CLNK: variants seen among roughly 807,000 people sequenced by gnomAD.
CLNK encodes the protein cytokine-dependent hematopoietic cell linker.
CLNK carries 74 observed loss-of-function variants against 68.6 expected under a neutral mutation model. The observed-to-expected ratio is 1.08, with a 90% CI of 0.89 to 1.31. CLNK has a LOEUF of 1.31. CLNK is among the 50% of genes most tolerant of loss of function. CLNK has a pLI of 0.00. For synonymous variants in CLNK, 198 were observed against 172.2 expected, an observed-to-expected ratio of 1.15 and a Z score of -1.17; for missense variants, 553 against 515.3, an observed-to-expected ratio of 1.07 and a Z score of -0.71.
chr4:10,547,177 G>A (rs888543230), intron 8 of CLNK, among the ~76,000 whole-genome samples: 3 of 152,194 alleles, frequency 2.0e-5, no homozygotes, highest in Admixed American at 1.3e-4. Context: ...TAGCAGGTGG[G>A]ATGAGCACGA....
chr4:10,703,173 T>C, the CLNK span, among the ~76,000 whole-genome samples: 1 of 152,182 alleles, frequency 6.6e-6, no homozygotes, highest in Non-Finnish European at 1.5e-5. Flanking sequence ...TCTAAATGTC[T>C]AATTTTTAGA....
chr4:10,541,301 C>G (rs914819948), intron 10 of CLNK, among the ~76,000 whole-genome samples: 4 of 151,598 alleles, frequency 2.6e-5, no homozygotes, highest in Admixed American at 2.6e-4. Context: ...TGTTATTCAC[C>G]CATTCACTCA....
At chr4:10,507,923 A>C in intron 17 of CLNK, 36 bp downstream of exon 17, 1 of 1,503,476 alleles carries the variant, frequency 6.7e-7, no homozygotes, top group Non-Finnish European at 9.1e-7. Flanking sequence ...AGATGCCTAT[A>C]GAAACAATAA....
chr4:10,542,312 A>C, intron 8 of CLNK, 32 bp from the exon 9 acceptor site: 1 of 1,455,708 alleles, frequency 6.9e-7, no homozygotes, highest in South Asian at 1.2e-5. Context: ...CAGTGAATTT[A>C]TGGAAAATGT....
chr4:10,496,910 C>T (rs1379981371), intron 18 of CLNK, among the ~76,000 whole-genome samples: 3 of 152,176 alleles, frequency 2.0e-5, no homozygotes, highest in Admixed American at 6.5e-5. Flanking sequence ...GCCCCTATGC[C>T]GGGGCCCGCT....
rs1725203214 is a variant in CLNK, at chr4:10,684,668, C to T, written c.-43G>A. ...AGAAGAACTGGCCTAATGAGTTTAC[C>T]TGAACAGCGTGGAGAGCACCAAGGG... On this transcript the variant is annotated splice_region_variant and 5_prime_UTR_variant, in exon 1 of 19. Coordinates refer to ENST00000226951, the MANE Select transcript of CLNK (RefSeq NM_052964.4). 1 of 152,112 alleles carries T rather than the reference C, an allele frequency of 6.6e-6. No homozygotes were observed. The highest frequency in any genetic ancestry group is 1.5e-5 in the Non-Finnish European group (1 of 68,024). 9.4% of individuals were successfully genotyped at this position (152,112 alleles called of 1,614,324 possible).
rs1179215691 is a variant in CLNK at position 10,540,588 on chromosome 4, G to A, written c.508C>T (p.Pro170Ser). The A allele has an allele frequency of 1.9e-6, 3 of 1,613,682 alleles. No homozygotes were observed. The highest frequency in any genetic ancestry group is 2.5e-6 in the Non-Finnish European group (3 of 1,179,668). Residue 170 changes from proline (P) to serine (S), a missense_variant, in exon 11 of 19, where the codon CCG becomes TCG. Pro to Ser is a moderately conservative substitution (Grantham distance 74). Transcript: ENST00000226951. The stretch of plus-strand genomic sequence containing the variant: ...GGGGGCAAGGGTTGGTACTTCTTCG[G>A]AAGTGTTATGAGAGGCCTGTGTGGA... ...LPPPRPLITL[P>S]KKYQPLPPEP...
intron 18 of CLNK, among the ~76,000 whole-genome samples, chr4:10,497,683 T>C (rs1468394613): frequency 1.3e-5 from 2 of 152,184 alleles, no homozygotes; most frequent in South Asian, 2.1e-4. Context: ...AAGTGGGGCA[T>C]GTTGGAAAAA....
At chr4:10,604,983 C>A (rs1026283258) in intron 2 of CLNK, among the ~76,000 whole-genome samples, 4 of 152,174 alleles carry the variant, frequency 2.6e-5, no homozygotes, top group Admixed American at 6.5e-5. Flanking sequence ...GTGGGTGGGC[C>A]TCATCCAATC....
At chr4:10,629,472 C>T (rs1722802752) in intron 2 of CLNK, among the ~76,000 whole-genome samples, 2 of 152,102 alleles carry the variant, frequency 1.3e-5, no homozygotes, top group Admixed American at 6.6e-5. Flanking sequence ...GATGAGGCCC[C>T]CTGATATTTA....
chr4:10,627,337 C>T (rs1488545803), intron 2 of CLNK, among the ~76,000 whole-genome samples: 1 of 152,296 alleles, frequency 6.6e-6, no homozygotes, highest in South Asian at 2.1e-4. Flanking sequence ...AGAGCCTCAA[C>T]AAAATGAGAA....
At chr4:10,580,652 A>T (rs531622465) in intron 4 of CLNK, among the ~76,000 whole-genome samples, 151 of 152,168 alleles carry the variant, frequency 9.9e-4, no homozygotes, top group Non-Finnish European at 1.8e-3. Flanking sequence ...AAAATAAAAT[A>T]AAAATTAAAA....
At chr4:10,581,003 T>A (rs1408375382) in intron 4 of CLNK, among the ~76,000 whole-genome samples, 2 of 152,208 alleles carry the variant, frequency 1.3e-5, no homozygotes, top group Non-Finnish European at 2.9e-5. Flanking sequence ...ATGGTAAGTG[T>A]CCTACACAGG....
rs192181868 is a variant in CLNK at position 10,607,026 on chromosome 4, T to C, written c.12-8977A>G. Among the ~76,000 whole-genome samples the C allele has an allele frequency of 4.9e-3, 742 of 152,306 alleles. 7 individuals carry two copies. The highest frequency in any genetic ancestry group is 0.017 in the African/African-American group (697 of 41,564). The stretch of plus-strand genomic sequence containing the variant: ...GCTGATGTTACAGATGAGAAAACCA[T>C]GGTTCAGGGCTCTAGCCATTTGGGT... On this transcript the variant is annotated intron_variant, in intron 2 of 18. Coordinates refer to ENST00000226951, the MANE Select transcript of CLNK (RefSeq NM_052964.4).
At chr4:10,671,453 A>G (rs916517995) in intron 1 of CLNK, among the ~76,000 whole-genome samples, 1 of 152,118 alleles carries the variant, frequency 6.6e-6, no homozygotes, top group African/African-American at 2.4e-5. Flanking sequence ...GTTAGCCACA[A>G]AGTGTCATCA....
At chr4:10,725,475 G>T in the CLNK span, among the ~76,000 whole-genome samples, 11 of 152,036 alleles carry the variant, frequency 7.2e-5, no homozygotes, top group African/African-American at 2.7e-4. Context: ...AAGGACGCCC[G>T]TGCAGGTTCC....
chr4:10,552,879 C>T (rs901407895), intron 8 of CLNK, among the ~76,000 whole-genome samples: 1 of 152,166 alleles, frequency 6.6e-6, no homozygotes, highest in African/African-American at 2.4e-5. Context: ...GCATTATAAT[C>T]TTCTCTGTCC....
At chr4:10,682,482 A>G (rs949698491) in intron 1 of CLNK, among the ~76,000 whole-genome samples, 2 of 152,194 alleles carry the variant, frequency 1.3e-5, no homozygotes, top group Non-Finnish European at 2.9e-5. Context: ...AAATTTAGCC[A>G]GTTCCTGGCT....
intron 5 of CLNK, among the ~76,000 whole-genome samples, chr4:10,570,095 G>C (rs982312010): frequency 6.6e-6 from 1 of 152,202 alleles, no homozygotes; most frequent in African/African-American, 2.4e-5. Context: ...GCTGGAGCTC[G>C]GGCAGGAGAA....
Sources: gnomAD v4.1 joint callset for allele counts (sites outside exome capture counted in the v4.1 genomes callset) on GRCh38, gnomAD v4.1.1 for gene constraint, MANE v1.5 for transcripts, NCBI Gene and HGNC (gene_info 2026-07-23, HGNC 2026-07-21) for gene names.